KIF6: variants seen among roughly 807,000 people sequenced by gnomAD.
KIF6 encodes kinesin family member 6.
In KIF6, 106 loss-of-function variants were observed where a neutral mutation model predicts 112.7. The observed-to-expected ratio is 0.94, with a 90% CI of 0.80 to 1.11. The LOEUF (loss-of-function observed/expected upper bound fraction) is 1.11, where lower values mean the gene tolerates loss of function less well. KIF6 is among the 50% of genes least tolerant of loss of function. KIF6 has a pLI of 0.00. For synonymous variants in KIF6, 339 were observed against 339.9 expected, an observed-to-expected ratio of 1.00 and a Z score of 0.03; for missense variants, 929 against 964.0, an observed-to-expected ratio of 0.96 and a Z score of 0.48.
chr6:39,719,332 G>T (rs576014282), intron 2 of KIF6, among the ~76,000 whole-genome samples: 1 of 125,776 alleles, frequency 8.0e-6, no homozygotes, highest in Admixed American at 9.3e-5. Context: ...AAAAAGAAAA[G>T]AATTTAAAAA....
At position 39,385,621 on chromosome 6, in the gene KIF6, C is replaced by G. The variant is rs370890737; in HGVS notation, c.1861+1G>C. The G allele has an allele frequency of 1.9e-6, 3 of 1,612,804 alleles. No homozygotes were observed. In the African/African-American group the frequency reaches 4.0e-5, roughly 22 times the overall value. On this transcript the variant is annotated splice_donor_variant, in intron 16 of 22. Transcript: ENST00000287152. LOFTEE classifies it high-confidence loss of function. ...TTCCTGCAGATTCTCTTTGTACCTA[C>G]CTAGGGCTACTTGCTGTATATGCCG...
chr6:39,672,095 T>A (rs1786848751), intron 3 of KIF6, among the ~76,000 whole-genome samples: 1 of 152,334 alleles, frequency 6.6e-6, no homozygotes, highest in East Asian at 1.9e-4. Context: ...AGTGTTTTGA[T>A]CTTTATTTAG....
chr6:39,537,332 A>G (rs1316099278), intron 13 of KIF6, among the ~76,000 whole-genome samples: 1 of 152,192 alleles, frequency 6.6e-6, no homozygotes, highest in East Asian at 1.9e-4. Context: ...GTCTCAGCCC[A>G]AAATCTCCTT....
At chr6:39,556,900 C>T (rs1230769231) in intron 10 of KIF6, among the ~76,000 whole-genome samples, 1 of 152,144 alleles carries the variant, frequency 6.6e-6, no homozygotes, top group African/African-American at 2.4e-5. Context: ...CTCCAAATCT[C>T]TGAACTTCTT....
chr6:39,602,073 A>G (rs1458907425), intron 6 of KIF6, among the ~76,000 whole-genome samples: 1 of 152,170 alleles, frequency 6.6e-6, no homozygotes, highest in African/African-American at 2.4e-5. Flanking sequence ...TAAAATTTTA[A>G]ATGCTATCAG....
At chr6:39,641,476 C>A (rs568654337) in intron 3 of KIF6, among the ~76,000 whole-genome samples, 1 of 151,796 alleles carries the variant, frequency 6.6e-6, no homozygotes, top group Middle Eastern at 3.4e-3. Context: ...GGGAACATCA[C>A]ACACCGGGGA....
chr6:39,414,869 A>G (rs1769787973), intron 15 of KIF6, among the ~76,000 whole-genome samples: 1 of 152,116 alleles, frequency 6.6e-6, no homozygotes, highest in African/African-American at 2.4e-5. Flanking sequence ...CCACTTACAA[A>G]GGCCATTTCA....
intron 3 of KIF6, among the ~76,000 whole-genome samples, chr6:39,642,767 G>A (rs965678457): frequency 1.3e-5 from 2 of 152,114 alleles, no homozygotes; most frequent in African/African-American, 4.8e-5. Flanking sequence ...CCTGGGAATC[G>A]GGAAGGCCAC....
At chr6:39,660,484 G>A (rs184876626) in intron 3 of KIF6, among the ~76,000 whole-genome samples, 145 of 152,294 alleles carry the variant, frequency 9.5e-4, no homozygotes, top group African/African-American at 3.3e-3. Context: ...CCCTTCGGAG[G>A]TTTTGAAGTT....
chr6:39,685,709 T>C (rs1787826897), intron 3 of KIF6, among the ~76,000 whole-genome samples: 1 of 152,184 alleles, frequency 6.6e-6, no homozygotes, highest in African/African-American at 2.4e-5. Flanking sequence ...TTGCTGAGTA[T>C]ATGACAGAAA....
chr6:39,376,441 G>C (rs1443011059), intron 16 of KIF6, among the ~76,000 whole-genome samples: 1 of 152,202 alleles, frequency 6.6e-6, no homozygotes, highest in Admixed American at 6.5e-5. Flanking sequence ...TAAGCCTCAG[G>C]AACTGTGCCC....
In KIF6 at chr6:39,333,551, G is replaced by T. The variant is rs1048133223; in HGVS notation, c.*2981C>A. On this transcript the variant is annotated 3_prime_UTR_variant, in exon 23 of 23. Transcript: ENST00000287152. The stretch of plus-strand genomic sequence containing the variant: ...GAGCAAGAGGCAAGCTCAACCATGA[G>T]AGCACAATTCAAGCCTCTGCCTGGA... 2 of 152,244 alleles carry T rather than the reference G, an allele frequency of 1.3e-5. No homozygotes were observed. The highest frequency in any genetic ancestry group is 4.8e-5 in the African/African-American group (2 of 41,462). The allele number at this position is 152,244 out of a possible 1,614,324, so 9.4% of individuals were successfully genotyped here. A position where few individuals can be genotyped will look rare whatever the true frequency, so the allele number is the denominator to read the frequency against.
chr6:39,695,775 A>AC (rs916541902), intron 3 of KIF6, among the ~76,000 whole-genome samples: 1 of 152,212 alleles, frequency 6.6e-6, no homozygotes, highest in African/African-American at 2.4e-5. Flanking sequence ...TGACCTTTAG[A>AC]CCCAGAAAAC....
chr6:39,660,750 G>A (rs1204041928), intron 3 of KIF6, among the ~76,000 whole-genome samples: 2 of 152,108 alleles, frequency 1.3e-5, no homozygotes, highest in Admixed American at 1.3e-4. Context: ...ACTAACATGA[G>A]TGTGAAATAA....
intron 13 of KIF6, among the ~76,000 whole-genome samples, chr6:39,536,537 G>C: frequency 6.6e-6 from 1 of 151,974 alleles, no homozygotes; most frequent in Non-Finnish European, 1.5e-5. Context: ...TCTCTGAATA[G>C]ACCAATAACA....
chr6:39,594,168 A>G (rs1782108499), intron 7 of KIF6, among the ~76,000 whole-genome samples: 1 of 152,088 alleles, frequency 6.6e-6, no homozygotes, highest in South Asian at 2.1e-4. Context: ...GGAGAGGAAT[A>G]GTTTTAGTGA....
At chr6:39,370,513 A>C (rs1765889177) in intron 16 of KIF6, among the ~76,000 whole-genome samples, 1 of 152,204 alleles carries the variant, frequency 6.6e-6, no homozygotes, top group Non-Finnish European at 1.5e-5. Flanking sequence ...TTTGGCAATA[A>C]TTTATCATAT....
At chr6:39,361,140 AG>A (rs1425024461) in intron 17 of KIF6, among the ~76,000 whole-genome samples, 2 of 152,206 alleles carry the variant, frequency 1.3e-5, no homozygotes, top group African/African-American at 4.8e-5. Flanking sequence ...ATAATGAATC[AG>A]AAATTGTCCA....
intron 10 of KIF6, among the ~76,000 whole-genome samples, chr6:39,548,058 C>A (rs1470292926): frequency 6.6e-6 from 1 of 152,192 alleles, no homozygotes; most frequent in African/African-American, 2.4e-5. Context: ...GGAGTGAAAG[C>A]ACTTTGTGAT....
Sources: allele counts gnomAD v4.1 joint callset (sites outside exome capture counted in the v4.1 genomes callset), GRCh38; gene constraint gnomAD v4.1.1; transcripts MANE v1.5; gene names NCBI Gene and HGNC (gene_info 2026-07-23, HGNC 2026-07-21).